The following MALRD1 variants were observed in gnomAD, a reference collection of about 807,000 sequenced individuals.
MALRD1 encodes MAM and LDL receptor class A domain containing 1.
MALRD1 carries 247 observed loss-of-function variants against 242.1 expected under a neutral mutation model. The ratio of observed to expected loss-of-function variants is 1.02; its 90% CI spans 0.92 to 1.13. The LOEUF (loss-of-function observed/expected upper bound fraction) is 1.13. MALRD1 is among the 50% of genes most tolerant of loss of function. The probability of loss-of-function intolerance (pLI) is 0.00; values close to 1 mark genes in which losing one functional copy is unlikely to be tolerated. For synonymous variants in MALRD1, 995 were observed against 866.6 expected, an observed-to-expected ratio of 1.15 and a Z score of -2.60; for missense variants, 2,989 against 2,533.1, an observed-to-expected ratio of 1.18 and a Z score of -3.86.
At chr10:19,717,024 T>C (rs113963196) in intron 38 of MALRD1, 54 of 152,372 alleles carry the variant, frequency 3.5e-4, no homozygotes, top group African/African-American at 1.3e-3. Context: ...TTTCTTTGGA[T>C]GTTTCAAGTT....
chr10:19,285,357 G>A (rs1841055265), intron 21 of MALRD1, among the ~76,000 whole-genome samples: 1 of 142,532 alleles, frequency 7.0e-6, no homozygotes. Flanking sequence ...TAATGCCTAG[G>A]TTTTCTTCTA....
chr10:19,317,660 C>G (rs1488708231), intron 21 of MALRD1, among the ~76,000 whole-genome samples: 6 of 151,920 alleles, frequency 3.9e-5, no homozygotes. Context: ...TGAAAAATAT[C>G]TTGATTTGCT....
intron 29 of MALRD1, among the ~76,000 whole-genome samples, chr10:19,488,396 A>T (rs535905040): frequency 6.0e-4 from 91 of 152,270 alleles, no homozygotes; most frequent in Non-Finnish European, 1.2e-3. Context: ...TAGCTCTTAT[A>T]TGTGATGATA....
intron 28 of MALRD1, among the ~76,000 whole-genome samples, chr10:19,408,906 C>A (rs1249956045): frequency 6.6e-6 from 1 of 152,182 alleles, no homozygotes; most frequent in Non-Finnish European, 1.5e-5. Flanking sequence ...AAAAACTAAA[C>A]ATGCAATACC....
intron 19 of MALRD1, among the ~76,000 whole-genome samples, chr10:19,259,810 G>T (rs192200862): frequency 1.3e-5 from 2 of 152,270 alleles, no homozygotes; most frequent in South Asian, 2.1e-4. Flanking sequence ...CTTCAGGGAA[G>T]CCTCCTCTGA....
chr10:19,297,954 T>C (rs1403814705), intron 21 of MALRD1, among the ~76,000 whole-genome samples: 1 of 152,024 alleles, frequency 6.6e-6, no homozygotes, highest in East Asian at 1.9e-4. Flanking sequence ...TATTTTATTA[T>C]ATAAAATCTT....
chr10:19,313,357 C>T (rs1034665572), intron 21 of MALRD1, among the ~76,000 whole-genome samples: 2 of 151,256 alleles, frequency 1.3e-5, no homozygotes, highest in Admixed American at 6.6e-5. Flanking sequence ...AAGCCGCCTC[C>T]TAACTTAAAG....
chr10:19,644,183 A>G (rs1205587155), intron 36 of MALRD1, among the ~76,000 whole-genome samples: 1 of 152,136 alleles, frequency 6.6e-6, no homozygotes, highest in Non-Finnish European at 1.5e-5. Context: ...TTCTGCTGGA[A>G]CCCTGATAAA....
chr10:19,288,878 G>A (rs1841271118), intron 21 of MALRD1, among the ~76,000 whole-genome samples: 2 of 152,088 alleles, frequency 1.3e-5, no homozygotes, highest in Admixed American at 1.3e-4. Context: ...GCTCTGTGTG[G>A]GACCTCCTTC....
At chr10:19,089,414 A>G (rs1480898412) in intron 4 of MALRD1, among the ~76,000 whole-genome samples, 57 of 27,970 alleles carry the variant, frequency 2.0e-3, no homozygotes, top group Admixed American at 6.9e-3. Context: ...CATGTCCTTC[A>G]CCCACTTTTT....
At chr10:19,547,220 G>A (rs1036657688) in intron 32 of MALRD1, among the ~76,000 whole-genome samples, 1 of 152,136 alleles carries the variant, frequency 6.6e-6, no homozygotes, top group Non-Finnish European at 1.5e-5. Flanking sequence ...TGGGGTCAAC[G>A]TTGAAGAGCT....
intron 5 of MALRD1, 127 bp downstream of exon 5, chr10:19,104,202 C>G: frequency 2.0e-6 from 1 of 501,084 alleles, no homozygotes; most frequent in Non-Finnish European, 3.1e-6. Context: ...ATTTTTCGTT[C>G]TAATACATTG....
At chr10:19,513,313 G>T (rs10764047) in intron 31 of MALRD1, among the ~76,000 whole-genome samples, 68,090 of 151,558 alleles carry the variant, frequency 0.45, 16,269 homozygotes, top group Non-Finnish European at 0.54. Context: ...GATCTAACAG[G>T]TTCCCTTTTT....
In MALRD1 at chr10:19,428,936, T is replaced by C. The variant is rs1834010298; in HGVS notation, c.4846-21371T>C. On this transcript the variant is annotated intron_variant, in intron 28 of 39. Transcript: ENST00000454679. ...CCATCAAATTTGACAAAAACTGACA[T>C]GAGCCTATCTGTAGTCTGAATTTAT... Among the ~76,000 whole-genome samples the C allele has an allele frequency of 2.0e-5, 3 of 152,302 alleles. No homozygotes were observed. The South Asian group carries it at 6.2e-4, about 32-fold the overall frequency.
chr10:19,654,477 A>C (rs958200211), intron 36 of MALRD1, among the ~76,000 whole-genome samples: 2 of 152,194 alleles, frequency 1.3e-5, no homozygotes, highest in Non-Finnish European at 2.9e-5. Context: ...ACCATTATCA[A>C]TATCTCTACA....
intron 38 of MALRD1, among the ~76,000 whole-genome samples, chr10:19,698,206 G>A (rs1286580411): frequency 6.6e-6 from 1 of 152,126 alleles, no homozygotes; most frequent in Non-Finnish European, 1.5e-5. Flanking sequence ...GGAATAAAGG[G>A]TACCATGATC....
intron 36 of MALRD1, among the ~76,000 whole-genome samples, chr10:19,676,083 T>C (rs910917278): frequency 6.6e-6 from 1 of 152,184 alleles, no homozygotes; most frequent in African/African-American, 2.4e-5. Context: ...AGTATGTTTC[T>C]TGGGGGAAGG....
chr10:19,690,276 T>C (rs1297101982), intron 36 of MALRD1, among the ~76,000 whole-genome samples: 2 of 152,128 alleles, frequency 1.3e-5, no homozygotes, highest in Non-Finnish European at 2.9e-5. Flanking sequence ...TTTCTCATGT[T>C]AACCGATAGG....
At chr10:19,641,674 A>G (rs1042084178) in intron 36 of MALRD1, among the ~76,000 whole-genome samples, 11 of 152,120 alleles carry the variant, frequency 7.2e-5, no homozygotes, top group African/African-American at 2.4e-4. Context: ...AAGAATTAGC[A>G]TTGTGGCTAT....
Sources: allele counts gnomAD v4.1 joint callset (sites outside exome capture counted in the v4.1 genomes callset), GRCh38; gene constraint gnomAD v4.1.1; transcripts MANE v1.5; gene names NCBI Gene and HGNC (gene_info 2026-07-23, HGNC 2026-07-21).